TCF20: variants seen among roughly 807,000 people sequenced by gnomAD.
TCF20 encodes the protein SPRE-binding protein.
In TCF20, 3 loss-of-function variants were observed where a neutral mutation model predicts 148.6. That is an observed-to-expected ratio of 0.02 (90% CI 0.01 to 0.05). TCF20 has a LOEUF of 0.05. TCF20 is among the 10% of genes least tolerant of loss of function. TCF20 has a pLI of 1.00. For synonymous variants in TCF20, 1,049 were observed against 909.5 expected (o/e 1.15, Z -2.76); for missense variants, 2,350 against 2,429.3 (o/e 0.97, Z 0.69).
At chr22:42,319,151 G>T (rs920263333) in intron 1 of TCF20, among the ~76,000 whole-genome samples, 3 of 152,168 alleles carry the variant, frequency 2.0e-5, no homozygotes, top group Non-Finnish European at 4.4e-5. Flanking sequence ...ACCGTCACAC[G>T]TAAAGTCTAG....
intron 1 of TCF20, among the ~76,000 whole-genome samples, chr22:42,329,445 G>C (rs962784275): frequency 6.6e-6 from 1 of 152,230 alleles, no homozygotes. Context: ...GGATATTCAG[G>C]AGCAAAGTAA....
intron 1 of TCF20, among the ~76,000 whole-genome samples, chr22:42,306,669 T>C (rs1927440137): frequency 1.3e-5 from 2 of 152,172 alleles, no homozygotes; most frequent in Non-Finnish European, 2.9e-5. Flanking sequence ...GGAGCCCCCA[T>C]GCCACTGGGA....
intron 2 of TCF20, among the ~76,000 whole-genome samples, chr22:42,184,362 C>CAT (rs1936942532): frequency 1.3e-5 from 2 of 152,108 alleles, no homozygotes; most frequent in African/African-American, 4.8e-5. Flanking sequence ...AACTATCCAA[C>CAT]ATTTGAAAAG....
intron 1 of TCF20, among the ~76,000 whole-genome samples, chr22:42,340,065 TTGAGACC>T (rs1416222113): frequency 2.0e-5 from 3 of 152,150 alleles, no homozygotes; most frequent in Non-Finnish European, 4.4e-5. Flanking sequence ...TCCTGCCATA[TTGAGACC>T]TGGTACAAAC....
At chr22:42,172,488 C>T (rs951323882) in intron 3 of TCF20, among the ~76,000 whole-genome samples, 1 of 152,196 alleles carries the variant, frequency 6.6e-6, no homozygotes, top group South Asian at 2.1e-4. Flanking sequence ...AAACAGCTTG[C>T]GAGATCATCA....
At chr22:42,245,141 G>C (rs192274757) in intron 1 of TCF20, among the ~76,000 whole-genome samples, 1 of 152,242 alleles carries the variant, frequency 6.6e-6, no homozygotes, top group African/African-American at 2.4e-5. Context: ...GAAGAACCTA[G>C]GACATGCAAG....
intron 2 of TCF20, among the ~76,000 whole-genome samples, chr22:42,202,035 T>TCC (rs893357941): frequency 6.6e-6 from 1 of 151,966 alleles, no homozygotes; most frequent in African/African-American, 2.4e-5. Context: ...CTGCCACCCT[T>TCC]CCCCCCGCAG....
At chr22:42,231,170 A>G (rs1353591682) in intron 1 of TCF20, among the ~76,000 whole-genome samples, 1 of 152,084 alleles carries the variant, frequency 6.6e-6, no homozygotes, top group African/African-American at 2.4e-5. Context: ...TCAAATAATG[A>G]TAATAAATAG....
At chr22:42,165,271 C>T (rs968986976) in intron 5 of TCF20, among the ~76,000 whole-genome samples, 4 of 152,240 alleles carry the variant, frequency 2.6e-5, no homozygotes, top group East Asian at 1.9e-4. Flanking sequence ...AGGGGGGCCA[C>T]GCCCCGTTCC....
At chr22:42,270,782 G>A (rs1450131350), upstream of TCF20, among the ~76,000 whole-genome samples, 1 of 145,458 alleles carries the variant, frequency 6.9e-6, no homozygotes, top group Non-Finnish European at 1.5e-5. Context: ...CCGGGCGCGC[G>A]CGTGCCCACC....
At position 42,170,576 on chromosome 22, in the gene TCF20, C is replaced by A. The variant is rs939632548; in HGVS notation, c.5750-680G>T. The stretch of plus-strand genomic sequence containing the variant: ...CAGAGAGTCGGAGGTTGCAGTGAGC[C>A]GAGATCACACCACTGCACTCCAGCC... On this transcript the variant is annotated intron_variant, in intron 3 of 5. Transcript: ENST00000677622. Among the ~76,000 whole-genome samples the A allele has an allele frequency of 3.9e-5, 5 of 127,996 alleles. 1 individual carries two copies. The highest frequency in any genetic ancestry group is 7.8e-5 in the Non-Finnish European group (5 of 63,906). The allele number at this position is 127,996 out of a possible 152,430, so 84.0% of individuals were successfully genotyped here. A position where few individuals can be genotyped will look rare whatever the true frequency, so the allele number is the denominator to read the frequency against.
intron 1 of TCF20, among the ~76,000 whole-genome samples, chr22:42,302,574 G>A (rs1174918200): frequency 6.6e-6 from 1 of 152,226 alleles, no homozygotes; most frequent in African/African-American, 2.4e-5. Flanking sequence ...GGCAAAGACA[G>A]AGACCGGCCT....
rs1414851810 is a variant in TCF20 at position 42,255,488 on chromosome 22, A to AAAAAACAACAACAAC, written c.-37+14850_-37+14851insGTTGTTGTTGTTTTT. 1.0e-4 allele frequency among the ~76,000 whole-genome samples: 3 copies of AAAAAACAACAACAAC among 29,312 alleles called. No homozygotes were observed. The East Asian group carries it at 1.1e-3, about 11-fold the overall frequency. The allele number at this position is 29,312 out of a possible 152,430, so 19.2% of individuals were successfully genotyped here. On this transcript the variant is annotated intron_variant, in intron 1 of 5. Coordinates refer to ENST00000677622, the MANE Select transcript of TCF20 (RefSeq NM_001378418.1). Reference sequence around the variant, plus strand: ...TGGCAACAGAGTGAGACTTCATCTCAAACAACAACAACAACAACAACAACA... The same window carrying AAAAAACAACAACAAC: ...TGGCAACAGAGTGAGACTTCATCTCAAAAAACAACAACAACAACAACAACAACAACAACAACAACA...
At chr22:42,241,148 G>A (rs1023549685) in intron 1 of TCF20, among the ~76,000 whole-genome samples, 15 of 152,286 alleles carry the variant, frequency 9.8e-5, no homozygotes, top group East Asian at 3.9e-4. Context: ...CTTAGCCAGC[G>A]CGCCTGGGCT....
intron 1 of TCF20, among the ~76,000 whole-genome samples, chr22:42,218,487 G>C (rs1181032245): frequency 6.6e-6 from 1 of 152,136 alleles, no homozygotes; most frequent in African/African-American, 2.4e-5. Context: ...CTACTCCTCA[G>C]TGCCAGTGGC....
chr22:42,255,343 G>A (rs1048931004), intron 1 of TCF20, among the ~76,000 whole-genome samples: 1 of 152,058 alleles, frequency 6.6e-6, no homozygotes, highest in Admixed American at 6.6e-5. Context: ...AAAAAAAGTA[G>A]CCGGGCTTGG....
chr22:42,341,488 C>T (rs1928167592), intron 1 of TCF20, among the ~76,000 whole-genome samples: 1 of 152,166 alleles, frequency 6.6e-6, no homozygotes, highest in African/African-American at 2.4e-5. Context: ...TGGGTAAGGA[C>T]CTGGGCCCCT....
chr22:42,219,849 C>T (rs181016616), intron 1 of TCF20, among the ~76,000 whole-genome samples: 3 of 152,214 alleles, frequency 2.0e-5, no homozygotes, highest in African/African-American at 7.2e-5. Flanking sequence ...AAGCGAGATT[C>T]CGTCTCAATA....
intron 1 of TCF20, among the ~76,000 whole-genome samples, chr22:42,314,109 C>T (rs891620979): frequency 2.6e-5 from 4 of 152,186 alleles, no homozygotes; most frequent in Admixed American, 2.0e-4. Context: ...CAGGGAGCCC[C>T]GTTCCTGAGG....
Sources: allele counts gnomAD v4.1 joint callset (sites outside exome capture counted in the v4.1 genomes callset), GRCh38; gene constraint gnomAD v4.1.1; transcripts MANE v1.5; gene names NCBI Gene and HGNC (gene_info 2026-07-23, HGNC 2026-07-21).